Variants in USP15 observed in about 807,000 individuals in gnomAD.
USP15 encodes the protein ubiquitin specific peptidase 15, also known as ubiquitin carboxyl-terminal hydrolase 15.
Under a neutral mutation model 127.1 loss-of-function variants are expected in USP15, and 18 were observed. The observed-to-expected ratio is 0.14, with a 90% CI of 0.10 to 0.21. The LOEUF (loss-of-function observed/expected upper bound fraction) is 0.21, where lower values mean the gene tolerates loss of function less well. USP15 is among the 10% of genes least tolerant of loss of function. USP15 has a pLI of 1.00. For synonymous variants in USP15, 364 were observed against 393.7 expected (o/e 0.92, Z 0.89); for missense variants, 805 against 1,159.9 (o/e 0.69, Z 4.44).
chr12:62,370,994 C>T (rs2066647194), intron 8 of USP15, among the ~76,000 whole-genome samples: 1 of 152,162 alleles, frequency 6.6e-6, no homozygotes, highest in Non-Finnish European at 1.5e-5. Flanking sequence ...TCTCCTGTTA[C>T]ATTATTTCAA....
At position 62,281,279 on chromosome 12, in the gene USP15, T is replaced by C. The variant is rs566506253; in HGVS notation, c.90-12900T>C. Reference sequence around the variant, plus strand: ...TGTCTACGTCTTCTAATCTCATCTTTCTAATATATACCTAACAACACTATA... The same window carrying C: ...TGTCTACGTCTTCTAATCTCATCTTCCTAATATATACCTAACAACACTATA... On this transcript the variant is annotated intron_variant, in intron 1 of 21. Transcript: ENST00000280377. Among the ~76,000 whole-genome samples the C allele has an allele frequency of 2.0e-4, 30 of 152,308 alleles. 1 individual carries two copies. Among genetic ancestry groups the C allele is most frequent in the Admixed American group, 1.6e-3 (24 of 15,296 alleles).
chr12:62,283,593 A>G (rs2063710921), intron 1 of USP15, among the ~76,000 whole-genome samples: 1 of 152,224 alleles, frequency 6.6e-6, no homozygotes, highest in Non-Finnish European at 1.5e-5. Flanking sequence ...AAGGGAACCT[A>G]CAACCAGGTA....
intron 8 of USP15, among the ~76,000 whole-genome samples, chr12:62,371,981 T>C (rs1303043316): frequency 6.6e-6 from 1 of 152,154 alleles, no homozygotes; most frequent in East Asian, 1.9e-4. Flanking sequence ...CTAAATTTAC[T>C]TTTCAGAGCT....
rs562194037 is a variant in USP15, at chr12:62,377,157, A to G, written c.916-4333A>G. On this transcript the variant is annotated intron_variant, in intron 8 of 21. Transcript: ENST00000280377. ...ATAATCACATCAGGGTAAATTAGGT[A>G]TCCATCACTTCAAGCATTTATCCCT... is the stretch of plus-strand genomic sequence containing the variant. Among the ~76,000 whole-genome samples the G allele has an allele frequency of 3.3e-5, 5 of 152,298 alleles. No homozygotes were observed. In the South Asian group the frequency reaches 1.0e-3, roughly 32 times the overall value.
chr12:62,388,117 A>ATTTTTTTTTTTTTT (rs58192089), intron 11 of USP15, among the ~76,000 whole-genome samples: 8 of 106,586 alleles, frequency 7.5e-5, no homozygotes, highest in Non-Finnish European at 1.4e-4. Context: ...AATGGTGAAG[A>ATTTTTTTTTTTTTT]TTTTTTTTTT....
At chr12:62,290,485 A>G (rs1378887428) in intron 1 of USP15, among the ~76,000 whole-genome samples, 1 of 152,000 alleles carries the variant, frequency 6.6e-6, no homozygotes, top group African/African-American at 2.4e-5. Context: ...CCCTTTCTTC[A>G]GTCTGTAAGT....
intron 9 of USP15, 66 bp downstream of exon 9, chr12:62,381,729 AG>A: frequency 6.6e-7 from 1 of 1,506,688 alleles, no homozygotes; most frequent in East Asian, 2.3e-5. Context: ...TCTTGGGGAT[AG>A]GGGGAGTGAA....
chr12:62,335,980 C>G, intron 6 of USP15: 1 of 985,266 alleles, frequency 1.0e-6, no homozygotes, highest in Non-Finnish European at 1.2e-6. Flanking sequence ...TTTAGTTTTG[C>G]AAATTGTGCA....
intron 7 of USP15, among the ~76,000 whole-genome samples, chr12:62,349,878 T>G (rs1246246658): frequency 6.6e-6 from 1 of 152,026 alleles, no homozygotes; most frequent in African/African-American, 2.4e-5. Context: ...ACTCTGAGTG[T>G]ATTATCTTGT....
chr12:62,401,381 A>C, intron 21 of USP15, 106 bp downstream of exon 21: 1 of 743,904 alleles, frequency 1.3e-6, no homozygotes, highest in Non-Finnish European at 2.1e-6. Context: ...ATATTCTAGC[A>C]GCTTGAGTAG....
intron 1 of USP15, among the ~76,000 whole-genome samples, chr12:62,280,590 A>G (rs148398350): frequency 6.6e-6 from 1 of 152,220 alleles, no homozygotes; most frequent in Non-Finnish European, 1.5e-5. Context: ...CATAAATTCC[A>G]TTCGTGAGGA....
At chr12:62,355,159 A>C (rs1183980740) in intron 7 of USP15, 172 bp from the exon 8 acceptor site, 1 of 540,220 alleles carries the variant, frequency 1.9e-6, no homozygotes, top group Non-Finnish European at 3.1e-6. Context: ...ATCTTAATTC[A>C]GGGTGAGTTA....
intron 10 of USP15, 35 bp from the exon 11 acceptor site, chr12:62,384,043 T>G (rs752703306): frequency 6.2e-7 from 1 of 1,610,256 alleles, no homozygotes; most frequent in South Asian, 1.1e-5. Flanking sequence ...AATTTTGTGA[T>G]ACCTCTTTCT....
At chr12:62,313,488 A>T (rs572222390) in intron 3 of USP15, among the ~76,000 whole-genome samples, 2 of 151,574 alleles carry the variant, frequency 1.3e-5, no homozygotes, top group African/African-American at 2.4e-5. Context: ...AGCTACTTTA[A>T]TGTAGTTTAT....
chr12:62,289,995 A>T (rs1026466573), intron 1 of USP15, among the ~76,000 whole-genome samples: 5 of 145,080 alleles, frequency 3.4e-5, no homozygotes, highest in Admixed American at 2.7e-4. Flanking sequence ...ATTTCAATTT[A>T]AAAAAAAATT....
rs911815965 is a variant in USP15, at chr12:62,409,378, A to C, written c.*5003A>C. On this transcript the variant is annotated 3_prime_UTR_variant, in exon 22 of 22. Transcript: ENST00000280377. Reference sequence around the variant, plus strand: ...GTTTTGATATTTTTTTTTCCTAGAAATGTGTAGCAAATGTGATTTTACAAA... The same window carrying C: ...GTTTTGATATTTTTTTTTCCTAGAACTGTGTAGCAAATGTGATTTTACAAA... 1 of 152,214 alleles carries C rather than the reference A, an allele frequency of 6.6e-6. No individual in the cohort carries two copies. The highest frequency in any genetic ancestry group is 6.5e-5 in the Admixed American group (1 of 15,272). 9.4% of individuals were successfully genotyped at this position (152,214 alleles called of 1,614,324 possible). A position where few individuals can be genotyped will look rare whatever the true frequency, so the allele number is the denominator to read the frequency against.
At chr12:62,343,246 G>A (rs1383986699) in intron 6 of USP15, among the ~76,000 whole-genome samples, 2 of 152,140 alleles carry the variant, frequency 1.3e-5, no homozygotes, top group Non-Finnish European at 2.9e-5. Context: ...CCTCAGTAAT[G>A]GCAGATGCCC....
chr12:62,323,197 G>A (rs1565853885), intron 5 of USP15, among the ~76,000 whole-genome samples: 2 of 152,056 alleles, frequency 1.3e-5, no homozygotes, highest in African/African-American at 2.4e-5. Flanking sequence ...GTTTTGTATC[G>A]TTCATTATAT....
intron 8 of USP15, among the ~76,000 whole-genome samples, chr12:62,379,762 G>C (rs1487279811): frequency 1.3e-5 from 2 of 152,030 alleles, no homozygotes; most frequent in Non-Finnish European, 2.9e-5. Context: ...ATTTAATGTT[G>C]ATCTTATTTT....
Sources: gnomAD v4.1 joint callset for allele counts (sites outside exome capture counted in the v4.1 genomes callset) on GRCh38, gnomAD v4.1.1 for gene constraint, MANE v1.5 for transcripts, NCBI Gene and HGNC (gene_info 2026-07-23, HGNC 2026-07-21) for gene names.